Variants in HOXC9 observed in about 807,000 individuals in gnomAD.
HOXC9 encodes homeobox protein Hox-C9.
Under a neutral mutation model 20.0 loss-of-function variants are expected in HOXC9, and 10 were observed. That is an observed-to-expected ratio of 0.50 (90% CI 0.31 to 0.85). The LOEUF (loss-of-function observed/expected upper bound fraction) is 0.85. Ranked by LOEUF, HOXC9 falls within the 40% of genes least tolerant of loss-of-function variation. HOXC9 has a pLI of 0.05. For synonymous variants in HOXC9, 200 were observed against 163.7 expected (o/e 1.22, Z -1.69); for missense variants, 394 against 376.7 (o/e 1.05, Z -0.38).
chr12:54,001,364 G>A (rs1180379071), intron 1 of HOXC9, among the ~76,000 whole-genome samples: 1 of 151,994 alleles, frequency 6.6e-6, no homozygotes, highest in Non-Finnish European at 1.5e-5. Flanking sequence ...GAGGGTCTTG[G>A]AGGGGAAGGA....
Position 54,000,247 on chromosome 12 carries a change from A to T in HOXC9, c.59A>T (p.Asn20Ile). ...GTGGACTCGCTCATCTCTCACGACA[A>T]TGAAGACCTCCTAGCGTCCAGGTTT... The part of the protein sequence containing the change: ...YYVDSLISHD[N>I]EDLLASRFPA... The change falls in exon 1 of 2, where the codon AAT becomes ATT. Residue 20 changes from asparagine (N) to isoleucine (I), a missense_variant. By Grantham distance (149) the Asn-to-Ile change is moderately radical. Transcript: ENST00000303450. 6.2e-7 allele frequency: 1 copy of T among 1,614,184 alleles called. No individual in the cohort carries two copies. Among genetic ancestry groups the T allele is most frequent in the Non-Finnish European group, 8.5e-7 (1 of 1,180,032 alleles).
At position 54,002,905 on chromosome 12, in the gene HOXC9, G is replaced by C. The variant is rs947764145; in HGVS notation, c.*231G>C. 1.0e-5 allele frequency: 4 copies of C among 396,316 alleles called. No homozygotes were observed. The highest frequency in any genetic ancestry group is 6.1e-5 in the African/African-American group (3 of 48,960). 24.5% of individuals were successfully genotyped at this position (396,316 alleles called of 1,614,324 possible). A position where few individuals can be genotyped will look rare whatever the true frequency, so the allele number is the denominator to read the frequency against. Reference sequence around the variant, plus strand: ...AGTTAGTTCTACCCAGCGAGGAGGAGGCGGGGAGAGAAACTGCGTTCTCTT... The same window carrying C: ...AGTTAGTTCTACCCAGCGAGGAGGACGCGGGGAGAGAAACTGCGTTCTCTT... On this transcript the variant is annotated 3_prime_UTR_variant, in exon 2 of 2. Transcript: ENST00000303450.
chr12:54,000,688 G>C lies in HOXC9; in HGVS notation c.500G>C (p.Gly167Ala). 2 of 1,567,970 alleles carry C rather than the reference G, an allele frequency of 1.3e-6. No homozygotes were observed. The highest frequency in any genetic ancestry group is 1.4e-5 in the African/African-American group (1 of 71,360). ...TCGCCCGAGGCGGACGCGCTCGCCG[G>C]CAGCAAGCACAAAGAGGAGAAGGCC... ...LPSPEADALA[G>A]SKHKEEKADL... Residue 167 changes from glycine (G) to alanine (A), a missense_variant, in exon 1 of 2, where the codon GGC becomes GCC. By Grantham distance (60) the Gly-to-Ala change is moderately conservative. Coordinates refer to ENST00000303450, the MANE Select transcript of HOXC9 (RefSeq NM_006897.3).
chr12:54,000,778 ACGGG>A, intron 1 of HOXC9, 52 bp downstream of exon 1: 1 of 1,401,102 alleles, frequency 7.1e-7, no homozygotes, highest in Non-Finnish European at 9.4e-7. Context: ...GGAGGGGAGG[ACGGG>A]CGGGGGCAGC....
chr12:54,001,584 A>G (rs1939745927), intron 1 of HOXC9, among the ~76,000 whole-genome samples: 1 of 151,466 alleles, frequency 6.6e-6, no homozygotes, highest in South Asian at 2.1e-4. Context: ...ACAGCAGGGG[A>G]GGGGGTGCAG....
Position 54,000,354 on chromosome 12 carries a change from G to A in HOXC9, c.166G>A (p.Ala56Thr). ...DCSDFPSCSFAPKPAVFSTSW... is the reference protein window; with the variant it reads ...DCSDFPSCSFTPKPAVFSTSW... ...TAGCGATTTTCCGTCCTGTAGCTTC[G>A]CGCCCAAGCCGGCAGTGTTCAGCAC... The change falls in exon 1 of 2, where the codon GCG becomes ACG. Residue 56 changes from alanine to threonine, a missense_variant. Ala to Thr is a moderately conservative substitution (Grantham distance 58). Coordinates refer to ENST00000303450, the MANE Select transcript of HOXC9 (RefSeq NM_006897.3). 2 of 1,613,884 alleles carry A rather than the reference G, an allele frequency of 1.2e-6. No homozygotes were observed. Among genetic ancestry groups the A allele is most frequent in the African/African-American group, 1.3e-5 (1 of 75,060 alleles).
chr12:54,000,759 C>T (rs1056066150), intron 1 of HOXC9, 33 bp downstream of exon 1: 9 of 1,461,580 alleles, frequency 6.2e-6, no homozygotes, highest in Non-Finnish European at 8.1e-6. Flanking sequence ...TTACAACCGG[C>T]GCGGGAGGGG....
rs1221184912 is a variant in HOXC9 at position 54,000,250 on chromosome 12, A to G, written c.62A>G (p.Glu21Gly). The part of the protein sequence containing the change: ...YVDSLISHDN[E>G]DLLASRFPAT... ...GACTCGCTCATCTCTCACGACAATG[A>G]AGACCTCCTAGCGTCCAGGTTTCCG... The change falls in exon 1 of 2, where the codon GAA becomes GGA. Residue 21 changes from glutamate (E) to glycine (G), a missense_variant. Glu to Gly is a moderately conservative substitution (Grantham distance 98). Coordinates refer to ENST00000303450, the MANE Select transcript of HOXC9 (RefSeq NM_006897.3). 17 of 1,614,026 alleles carry G rather than the reference A, an allele frequency of 1.1e-5. No homozygotes were observed. Among genetic ancestry groups the G allele is most frequent in the Non-Finnish European group, 1.4e-5 (17 of 1,180,034 alleles).
Position 54,000,431 on chromosome 12 carries a change from C to G in HOXC9, c.243C>G (p.Gly81=), listed in dbSNP as rs149559141. Reference sequence around the variant, plus strand: ...CGTCCGTGGTATATCACCCGTACGGCCCCCAGCCCCACCTCGGCGCCGACA... The same window carrying G: ...CGTCCGTGGTATATCACCCGTACGGGCCCCAGCCCCACCTCGGCGCCGACA... ...SQSSVVYHPY[G]PQPHLGADTR... The change falls in exon 1 of 2, where the codon GGC becomes GGG. Residue 81 remains glycine (G), a synonymous_variant. Transcript: ENST00000303450. 55 of 1,608,418 alleles carry G rather than the reference C, an allele frequency of 3.4e-5. No individual in the cohort carries two copies. Among genetic ancestry groups the G allele is most frequent in the Non-Finnish European group, 3.5e-5 (41 of 1,179,822 alleles).
rs1249495773 is a variant in HOXC9, at chr12:54,002,485, C to G, written c.594C>G (p.Pro198=). The change falls in exon 2 of 2, where the codon CCC becomes CCG. Residue 198 remains proline (P), a synonymous_variant. Transcript: ENST00000303450. Reference sequence around the variant, plus strand: ...GCTCCACGAGGAAGAAGCGCTGCCCCTACACCAAGTACCAGACGCTGGAAC... The same window carrying G: ...GCTCCACGAGGAAGAAGCGCTGCCCGTACACCAAGTACCAGACGCTGGAAC... ...HARSTRKKRC[P]YTKYQTLELE... 1 of 1,614,064 alleles carries G rather than the reference C, an allele frequency of 6.2e-7. No homozygotes were observed. The highest frequency in any genetic ancestry group is 1.3e-5 in the African/African-American group (1 of 74,902).
intron 1 of HOXC9, among the ~76,000 whole-genome samples, chr12:54,002,063 G>A (rs1212610594): frequency 1.3e-5 from 2 of 152,064 alleles, no homozygotes; most frequent in African/African-American, 4.8e-5. Flanking sequence ...GTGGGGAGGA[G>A]AGAGACCTTG....
rs1354723970 is a variant in HOXC9 at position 54,000,300 on chromosome 12, G to GCCA, written c.113_115dup (p.Ala38_Arg39insThr). On this transcript the variant is annotated inframe_insertion, in exon 1 of 2. Coordinates refer to ENST00000303450, the MANE Select transcript of HOXC9 (RefSeq NM_006897.3). ...GGCCACCGGGGCTCATCCCGCCGCC[G>GCCA]CCAGACCCAGCGGTTTGGTGCCGGA... 59 of 1,613,972 alleles carry GCCA rather than the reference G, an allele frequency of 3.7e-5. No homozygotes were observed. The highest frequency in any genetic ancestry group is 4.9e-5 in the Non-Finnish European group (58 of 1,180,044).
Position 54,000,239 on chromosome 12 carries a change from T to C in HOXC9, c.51T>C (p.Ser17=). ...ACTATTACGTGGACTCGCTCATCTC[T>C]CACGACAATGAAGACCTCCTAGCGT... The part of the protein sequence containing the change: ...ISNYYVDSLI[S]HDNEDLLASR... The change falls in exon 1 of 2, where the codon TCT becomes TCC. Residue 17 remains serine (S), a synonymous_variant. Coordinates refer to ENST00000303450, the MANE Select transcript of HOXC9 (RefSeq NM_006897.3). 7 of 1,614,168 alleles carry C rather than the reference T, an allele frequency of 4.3e-6. No homozygotes were observed. The highest frequency in any genetic ancestry group is 5.1e-6 in the Non-Finnish European group (6 of 1,180,036).
Position 54,002,939 on chromosome 12 carries a change from G to A in HOXC9, c.*265G>A, listed in dbSNP as rs374038445. On this transcript the variant is annotated 3_prime_UTR_variant, in exon 2 of 2. Transcript: ENST00000303450. Reference sequence around the variant, plus strand: ...AGAAACTGCGTTCTCTTTCCCCAGCGCAACCGAAATAAATGACACATACAA... The same window carrying A: ...AGAAACTGCGTTCTCTTTCCCCAGCACAACCGAAATAAATGACACATACAA... 1.1e-4 allele frequency: 38 copies of A among 335,378 alleles called. 1 individual carries two copies. The highest frequency in any genetic ancestry group is 1.8e-4 in the Non-Finnish European group (34 of 185,386). The allele number at this position is 335,378 out of a possible 1,614,324, so 20.8% of individuals were successfully genotyped here.
rs145733208 is a variant in HOXC9 at position 54,003,022 on chromosome 12, A to AT, written c.*357dup. On this transcript the variant is annotated 3_prime_UTR_variant, in exon 2 of 2. Coordinates refer to ENST00000303450, the MANE Select transcript of HOXC9 (RefSeq NM_006897.3). The stretch of plus-strand genomic sequence containing the variant: ...CCAGTACTTGAATCGCTATATTTCT[A>AT]TTTTTTTTTCCCTGTATCGTATTTG... 3,156 of 166,856 alleles carry AT rather than the reference A, an allele frequency of 0.019. 116 individuals carry two copies. Among genetic ancestry groups the AT allele is most frequent in the African/African-American group, 0.071 (2,849 of 40,092 alleles). The allele number at this position is 166,856 out of a possible 1,614,324, so 10.3% of individuals were successfully genotyped here.
At position 54,000,323 on chromosome 12, in the gene HOXC9, G is replaced by T; in HGVS notation, c.135G>T (p.Pro45=). 6.2e-7 allele frequency: 1 copy of T among 1,614,082 alleles called. No individual in the cohort carries two copies. ...CCGCCAGACCCAGCGGTTTGGTGCC[G>T]GACTGTAGCGATTTTCCGTCCTGTA... ...PAAARPSGLV[P]DCSDFPSCSF... The change falls in exon 1 of 2, where the codon CCG becomes CCT. Residue 45 remains proline (P), a synonymous_variant. Transcript: ENST00000303450.
At chr12:54,000,758 G>T (rs937567847) in intron 1 of HOXC9, 32 bp downstream of exon 1, 3 of 1,467,944 alleles carry the variant, frequency 2.0e-6, no homozygotes, top group Non-Finnish European at 2.7e-6. Flanking sequence ...TTTACAACCG[G>T]CGCGGGAGGG....
chr12:54,002,576 C>G lies in HOXC9; in HGVS notation c.685C>G (p.Leu229Val). ...CCGTCGGTATGAGGTGGCCCGGGTT[C>G]TCAATCTCACCGAGCGGCAGGTCAA... Reference protein sequence around the residue: ...RDRRYEVARVLNLTERQVKIW... With the variant: ...RDRRYEVARVVNLTERQVKIW... Residue 229 changes from leucine to valine, a missense_variant, in exon 2 of 2, where the codon CTC becomes GTC. By Grantham distance (32) the Leu-to-Val change is conservative. Coordinates refer to ENST00000303450, the MANE Select transcript of HOXC9 (RefSeq NM_006897.3). The G allele has an allele frequency of 3.1e-6, 5 of 1,614,178 alleles. No homozygotes were observed. The highest frequency in any genetic ancestry group is 4.2e-6 in the Non-Finnish European group (5 of 1,180,028).
At position 54,000,650 on chromosome 12, in the gene HOXC9, G is replaced by T; in HGVS notation, c.462G>T (p.Pro154=). The change falls in exon 1 of 2, where the codon CCG becomes CCT. Residue 154 remains proline, a synonymous_variant. Coordinates refer to ENST00000303450, the MANE Select transcript of HOXC9 (RefSeq NM_006897.3). ...CCGGGGAGCTGCGCGACCGCGCCCC[G>T]CAGACACTGCCCTCGCCCGAGGCGG... is the stretch of plus-strand genomic sequence containing the variant. ...GSPGELRDRA[P]QTLPSPEADA... 2 of 1,555,720 alleles carry T rather than the reference G, an allele frequency of 1.3e-6. No individual in the cohort carries two copies. Among genetic ancestry groups the T allele is most frequent in the Non-Finnish European group, 1.7e-6 (2 of 1,156,678 alleles).
Sources: gnomAD v4.1 joint callset for allele counts (sites outside exome capture counted in the v4.1 genomes callset) on GRCh38, gnomAD v4.1.1 for gene constraint, MANE v1.5 for transcripts, NCBI Gene and HGNC (gene_info 2026-07-23, HGNC 2026-07-21) for gene names.